Variants in ITIH2 observed in about 807,000 individuals in gnomAD.
ITIH2 encodes inter-alpha-trypsin inhibitor heavy chain H2.
ITIH2 carries 103 observed loss-of-function variants against 104.4 expected under a neutral mutation model. The observed-to-expected ratio is 0.99, with a 90% confidence interval of 0.84 to 1.16. ITIH2 has a LOEUF of 1.16. Among genes scored for constraint, ITIH2 ranks in the 50% most tolerant of loss-of-function variants. The probability of loss-of-function intolerance (pLI) is 0.00; values close to 1 mark genes in which losing one functional copy is unlikely to be tolerated. For missense variants in ITIH2, 1,108 were observed against 1,162.4 expected (o/e 0.95, Z 0.68); for synonymous variants, 436 against 435.4 (o/e 1.00, Z -0.02).
At chr10:7,706,136 A>G (rs1358678237) in intron 2 of ITIH2, among the ~76,000 whole-genome samples, 1 of 152,146 alleles carries the variant, frequency 6.6e-6, no homozygotes, top group East Asian at 1.9e-4. Context: ...GTAGACTAAT[A>G]ATATTAAAAT....
intron 8 of ITIH2, among the ~76,000 whole-genome samples, chr10:7,722,668 C>G (rs1434697298): frequency 1.3e-5 from 2 of 152,182 alleles, no homozygotes; most frequent in Admixed American, 6.5e-5. Context: ...CTATCTCAAC[C>G]TGGCCCAGCT....
At chr10:7,704,968 G>T in intron 1 of ITIH2, 140 bp from the exon 2 acceptor site, 2 of 547,654 alleles carry the variant, frequency 3.7e-6, no homozygotes, top group South Asian at 4.5e-5. Flanking sequence ...AATACCTGAC[G>T]TAAATGATGA....
chr10:7,717,655 G>A lies in ITIH2; in HGVS notation c.497G>A (p.Arg166Lys). The stretch of plus-strand genomic sequence containing the variant: ...AGCGCTCTTGATATGGAAAACTTCA[G>A]AACGGAAGTAAATGTCCTCCCAGGA... ...RSSALDMENFRTEVNVLPGAK... is the reference protein window; with the variant it reads ...RSSALDMENFKTEVNVLPGAK... Residue 166 changes from arginine to lysine, a missense_variant, in exon 6 of 21, where the codon AGA becomes AAA. By Grantham distance (26) the Arg-to-Lys change is conservative. Coordinates refer to ENST00000358415, the MANE Select transcript of ITIH2 (RefSeq NM_002216.3). 6.2e-7 allele frequency: 1 copy of A among 1,614,004 alleles called. No individual in the cohort carries two copies. Among genetic ancestry groups the A allele is most frequent in the East Asian group, 2.2e-5 (1 of 44,876 alleles).
At chr10:7,716,735 C>CAAAAAA (rs61703360) in intron 5 of ITIH2, among the ~76,000 whole-genome samples, 1 of 58,766 alleles carries the variant, frequency 1.7e-5, no homozygotes, top group African/African-American at 4.7e-5. Flanking sequence ...GACCCCAGCT[C>CAAAAAA]AAAAAAAAAA....
At chr10:7,726,442 A>C (rs1189708738) in intron 9 of ITIH2, among the ~76,000 whole-genome samples, 5 of 152,212 alleles carry the variant, frequency 3.3e-5, no homozygotes, top group Non-Finnish European at 7.3e-5. Context: ...GTAGGAAAGA[A>C]AAATGTATGG....
At chr10:7,710,301 G>T (rs73621263) in intron 4 of ITIH2, among the ~76,000 whole-genome samples, 1 of 152,050 alleles carries the variant, frequency 6.6e-6, no homozygotes, top group Non-Finnish European at 1.5e-5. Flanking sequence ...GAAATTTTTC[G>T]TAATAAAAGA....
In ITIH2 at chr10:7,730,449, T is replaced by C. The variant is rs7096437; in HGVS notation, c.1461+316T>C. Among the ~76,000 whole-genome samples, 541 of 152,298 alleles carry C rather than the reference T, an allele frequency of 3.6e-3. 1 individual carries two copies. Among genetic ancestry groups the C allele is most frequent in the African/African-American group, 0.012 (489 of 41,564 alleles). ...GCCCCACCAGCAATTGGTCTTCTTA[T>C]CATCATGGCCAACCGTTTTCTCTTT... On this transcript the variant is annotated intron_variant, in intron 12 of 20. Coordinates refer to ENST00000358415, the MANE Select transcript of ITIH2 (RefSeq NM_002216.3).
chr10:7,703,600 C>A, intron 1 of ITIH2, 82 bp downstream of exon 1: 1 of 844,420 alleles, frequency 1.2e-6, no homozygotes. Flanking sequence ...ATTCAATGGC[C>A]TTATTCTGTG....
intron 14 of ITIH2, among the ~76,000 whole-genome samples, chr10:7,733,770 G>A (rs550284193): frequency 6.6e-6 from 1 of 152,106 alleles, no homozygotes; most frequent in South Asian, 2.1e-4. Flanking sequence ...GCCTCATTCT[G>A]TCTATAAGAC....
intron 3 of ITIH2, 40 bp from the exon 4 acceptor site, chr10:7,708,982 T>C (rs1169966567): frequency 1.0e-5 from 16 of 1,555,176 alleles, no homozygotes; most frequent in African/African-American, 4.1e-5. Flanking sequence ...TTCTGTGTGA[T>C]TTTTCTATCA....
Position 7,731,995 on chromosome 10 carries a change from C to G in ITIH2, c.1646C>G (p.Ser549Trp). Reference protein sequence around the residue: ...DQIESVITATSANTQLVLETL... With the variant: ...DQIESVITATWANTQLVLETL... ...ATAGAGAGCGTTATCACGGCGACTT[C>G]GGTACTTCCACTTATCCATTTATTC... Residue 549 changes from serine (S) to tryptophan (W), a missense_variant and splice_region_variant, in exon 13 of 21, where the codon TCG becomes TGG. Coordinates refer to ENST00000358415, the MANE Select transcript of ITIH2 (RefSeq NM_002216.3). The G allele has an allele frequency of 1.9e-6, 3 of 1,610,978 alleles. No individual in the cohort carries two copies. The highest frequency in any genetic ancestry group is 2.5e-6 in the Non-Finnish European group (3 of 1,177,616).
In ITIH2 at chr10:7,742,297, T is replaced by A. The variant is rs3802590; in HGVS notation, c.2096-849T>A. On this transcript the variant is annotated intron_variant, in intron 16 of 20. Transcript: ENST00000358415. ...GGGGAGGGGAAGCAAGGAAGGATTA[T>A]CTAAAATAATTAGGTTCAATAACAA... Among the ~76,000 whole-genome samples the A allele has an allele frequency of 2.0e-5, 3 of 151,780 alleles. No homozygotes were observed. The East Asian group carries it at 5.8e-4, about 29-fold the overall frequency.
At chr10:7,722,109 G>C (rs560262969) in intron 8 of ITIH2, among the ~76,000 whole-genome samples, 3 of 152,090 alleles carry the variant, frequency 2.0e-5, no homozygotes, top group South Asian at 4.1e-4. Flanking sequence ...CAGAGATTAC[G>C]GGGTGAGGAG....
Position 7,703,432 on chromosome 10 carries a change from A to G in ITIH2, c.-3A>G, listed in dbSNP as rs780975495. ...GGGGAGCTTGGCAAAACTGTCCAGCAAAATGAAAAGACTCACGTGCTTTTT... is the reference window on the plus strand; with the variant it reads ...GGGGAGCTTGGCAAAACTGTCCAGCGAAATGAAAAGACTCACGTGCTTTTT... On this transcript the variant is annotated 5_prime_UTR_variant, in exon 1 of 21. Transcript: ENST00000358415. 3 of 1,613,128 alleles carry G rather than the reference A, an allele frequency of 1.9e-6. No individual in the cohort carries two copies. Among genetic ancestry groups the G allele is most frequent in the Non-Finnish European group, 2.5e-6 (3 of 1,179,044 alleles).
chr10:7,709,971 A>C (rs1337375110), intron 4 of ITIH2, among the ~76,000 whole-genome samples: 1 of 152,050 alleles, frequency 6.6e-6, no homozygotes, highest in African/African-American at 2.4e-5. Flanking sequence ...CTCCTGCCTC[A>C]GCCTCCTGAG....
In ITIH2 at chr10:7,746,632, A is replaced by G. The variant is rs370840824; in HGVS notation, c.2621A>G (p.Glu874Gly). The change falls in exon 20 of 21, where the codon GAG becomes GGG. Residue 874 changes from glutamate to glycine, a missense_variant. By Grantham distance (98) the Glu-to-Gly change is moderately conservative (BLOSUM62 -2). Coordinates refer to ENST00000358415, the MANE Select transcript of ITIH2 (RefSeq NM_002216.3). Reference sequence around the variant, plus strand: ...GAACCAAAGATACACATCTTCAATGAGAGACCAGGAAAGGACCCTGAGAAG... The same window carrying G: ...GAACCAAAGATACACATCTTCAATGGGAGACCAGGAAAGGACCCTGAGAAG... ...MQEPKIHIFN[E>G]RPGKDPEKPE... 6.2e-7 allele frequency: 1 copy of G among 1,613,800 alleles called. No individual in the cohort carries two copies. The highest frequency in any genetic ancestry group is 8.5e-7 in the Non-Finnish European group (1 of 1,179,876).
intron 9 of ITIH2, among the ~76,000 whole-genome samples, chr10:7,725,177 T>G (rs958717134): frequency 6.6e-6 from 1 of 152,200 alleles, no homozygotes; most frequent in Non-Finnish European, 1.5e-5. Context: ...TGATAAAAGT[T>G]TTTTTAAAAA....
At chr10:7,732,700 AT>A (rs201111609) in intron 14 of ITIH2, among the ~76,000 whole-genome samples, 3,260 of 152,152 alleles carry the variant, frequency 0.021, 55 homozygotes, top group South Asian at 0.054. Context: ...TGCAAAATGC[AT>A]TAATTTTTTA....
intron 3 of ITIH2, among the ~76,000 whole-genome samples, chr10:7,708,548 G>T (rs1203627995): frequency 2.0e-5 from 3 of 152,150 alleles, no homozygotes; most frequent in Non-Finnish European, 4.4e-5. Flanking sequence ...AGAGCTGTAA[G>T]GGGGGGTTGG....
Sources: allele counts gnomAD v4.1 joint callset (sites outside exome capture counted in the v4.1 genomes callset), GRCh38; gene constraint gnomAD v4.1.1; transcripts MANE v1.5; gene names NCBI Gene and HGNC (gene_info 2026-07-23, HGNC 2026-07-21).